Variants in POP1 observed in about 807,000 individuals in gnomAD.
POP1 encodes the protein POP1 ribonuclease P/MRP subunit.
In POP1, 75 loss-of-function variants were observed where a neutral mutation model predicts 102.2. The ratio of observed to expected loss-of-function variants is 0.73; its 90% CI spans 0.61 to 0.89. The LOEUF is 0.89. POP1 is among the 40% of genes least tolerant of loss of function. POP1 has a pLI of 0.00. For missense variants in POP1, 1,116 were observed against 1,267.4 expected (o/e 0.88, Z 1.81); for synonymous variants, 436 against 464.1 (o/e 0.94, Z 0.78).
rs370103239 is a variant in POP1, at chr8:98,136,597, C to T, written c.1127C>T (p.Pro376Leu). 6.2e-7 allele frequency: 1 copy of T among 1,614,004 alleles called. No individual in the cohort carries two copies. The highest frequency in any genetic ancestry group is 1.3e-5 in the African/African-American group (1 of 74,966). Residue 376 changes from proline to leucine, a missense_variant, in exon 8 of 16, where the codon CCT (proline) becomes CTT (leucine). Physicochemically the swap from Pro to Leu is moderately conservative, Grantham distance 98. Transcript: ENST00000401707. ...PSQEKSQTEL[P>L]DEKIGKKRKR... ...CAAGAAAAAAGCCAAACTGAATTGC[C>T]TGACGAGAAAATTGGCAAGAAAAGA...
intron 14 of POP1, 122 bp from the exon 15 acceptor site, chr8:98,155,927 GT>G (rs1809635851): frequency 4.3e-6 from 3 of 691,676 alleles, no homozygotes; most frequent in African/African-American, 2.0e-5. Context: ...GTGTGTGTGT[GT>G]GTGTGTGTGT....
At position 98,156,159 on chromosome 8, in the gene POP1, G is replaced by A. The variant is rs980507386; in HGVS notation, c.2167G>A (p.Glu723Lys). Reference protein sequence around the residue: ...QDWESRVQAYEEPSVASSPNG... With the variant: ...QDWESRVQAYKEPSVASSPNG... ...CTGGGAGTCAAGAGTCCAGGCTTAC[G>A]AAGAACCTTCTGTAGCTTCATCTCC... The change falls in exon 15 of 16, where the codon GAA (glutamate) becomes AAA (lysine). Residue 723 changes from glutamate (E) to lysine (K), a missense_variant. By Grantham distance (56) the Glu-to-Lys change is moderately conservative (BLOSUM62 1). Coordinates refer to ENST00000401707, the MANE Select transcript of POP1 (RefSeq NM_001145860.2). 3.7e-6 allele frequency: 6 copies of A among 1,613,964 alleles called. No individual in the cohort carries two copies. The highest frequency in any genetic ancestry group is 2.2e-5 in the East Asian group (1 of 44,884).
In POP1 at chr8:98,158,333, A is replaced by T; in HGVS notation, c.*62A>T. The T allele has an allele frequency of 6.4e-7, 1 of 1,561,736 alleles. No individual in the cohort carries two copies. The highest frequency in any genetic ancestry group is 1.7e-5 in the Admixed American group (1 of 59,610). On this transcript the variant is annotated 3_prime_UTR_variant, in exon 16 of 16. Coordinates refer to ENST00000401707, the MANE Select transcript of POP1 (RefSeq NM_001145860.2). ...GTTATTATTGTCTGCCAAGTTCTACATGTGGAGAATCTGCTTCTGCTTTAA... is the reference window on the plus strand; with the variant it reads ...GTTATTATTGTCTGCCAAGTTCTACTTGTGGAGAATCTGCTTCTGCTTTAA...
intron 2 of POP1, 72 bp from the exon 3 acceptor site, chr8:98,127,523 A>C (rs1487844457): frequency 1.1e-5 from 18 of 1,578,916 alleles, no homozygotes; most frequent in Admixed American, 1.7e-5. Context: ...TTGCCACCCA[A>C]CAAATATTAG....
chr8:98,118,062 G>A (rs1240654085), intron 1 of POP1, among the ~76,000 whole-genome samples: 2 of 151,970 alleles, frequency 1.3e-5, no homozygotes, highest in African/African-American at 4.8e-5. Flanking sequence ...TAAAATCTCT[G>A]CCTTCCCTGC....
chr8:98,123,979 C>A (rs1816116118), intron 2 of POP1, among the ~76,000 whole-genome samples: 1 of 152,082 alleles, frequency 6.6e-6, no homozygotes, highest in Non-Finnish European at 1.5e-5. Context: ...ATATTAATAC[C>A]CATGAAGCTT....
rs537643293 is a variant in POP1 at position 98,157,213 on chromosome 8, C to T, written c.2421-404C>T. On this transcript the variant is annotated intron_variant, in intron 15 of 15. Coordinates refer to ENST00000401707, the MANE Select transcript of POP1 (RefSeq NM_001145860.2). The stretch of plus-strand genomic sequence containing the variant: ...TTTTAAAAAGTGCTTATCCCTCTAG[C>T]CTTGTGCTTACTTTTCCGTATAGTA... Among the ~76,000 whole-genome samples, 3 of 152,272 alleles carry T rather than the reference C, an allele frequency of 2.0e-5. No homozygotes were observed. The South Asian group carries it at 6.2e-4, about 32-fold the overall frequency.
chr8:98,147,604 T>C (rs992494000), intron 12 of POP1, among the ~76,000 whole-genome samples: 1 of 152,050 alleles, frequency 6.6e-6, no homozygotes, highest in Non-Finnish European at 1.5e-5. Context: ...GTGAGGAAGC[T>C]GGAGAGAGAC....
rs545840348 is a variant in POP1 at position 98,124,955 on chromosome 8, T to C, written c.142+1476T>C. On this transcript the variant is annotated intron_variant, in intron 2 of 15. Coordinates refer to ENST00000401707, the MANE Select transcript of POP1 (RefSeq NM_001145860.2). ...GTTTGGAGTGCTTTAAAAAACTGCATTGGGTCTGATTAAGTAAATTTTAGA... is the reference window on the plus strand; with the variant it reads ...GTTTGGAGTGCTTTAAAAAACTGCACTGGGTCTGATTAAGTAAATTTTAGA... 9.7e-4 allele frequency among the ~76,000 whole-genome samples: 148 copies of C among 152,308 alleles called. 3 individuals are homozygous for C. The South Asian group carries it at 0.029, about 30-fold the overall frequency.
Position 98,158,164 on chromosome 8 carries a change from T to A in POP1, c.2968T>A (p.Leu990Met). 1.2e-6 allele frequency: 2 copies of A among 1,610,708 alleles called. No homozygotes were observed. The change falls in exon 16 of 16, where the codon TTG (leucine) becomes ATG (methionine). Residue 990 changes from leucine to methionine, a missense_variant. Leu to Met is a conservative substitution (Grantham distance 15, BLOSUM62 2). Transcript: ENST00000401707. The part of the protein sequence containing the change: ...EALGFVSLTG[L>M]LDMLSSQPAA... ...CCTGGGGTTTGTTAGCTTGACAGGC[T>A]TGCTGGATATGCTGTCCAGCCAGCC... is the stretch of plus-strand genomic sequence containing the variant.
At chr8:98,134,394 A>G (rs1816470280) in intron 6 of POP1, 78 bp from the exon 7 acceptor site, 1 of 1,438,444 alleles carries the variant, frequency 7.0e-7, no homozygotes, top group South Asian at 1.1e-5. Flanking sequence ...CAGACAGTAA[A>G]TGACAGTGTG....
intron 1 of POP1, among the ~76,000 whole-genome samples, chr8:98,118,049 T>C (rs950187815): frequency 6.6e-6 from 1 of 151,844 alleles, no homozygotes; most frequent in Non-Finnish European, 1.5e-5. Context: ...AAAAAAATAA[T>C]AATAAAATCT....
In POP1 at chr8:98,158,162, G is replaced by C. The variant is rs777450157; in HGVS notation, c.2966G>C (p.Gly989Ala). 13 of 1,610,268 alleles carry C rather than the reference G, an allele frequency of 8.1e-6. No individual in the cohort carries two copies. The African/African-American group carries it at 1.5e-4, about 18-fold the overall frequency. The change falls in exon 16 of 16, where the codon GGC becomes GCC. Residue 989 changes from glycine (G) to alanine (A), a missense_variant. Transcript: ENST00000401707. Reference protein sequence around the residue: ...GEALGFVSLTGLLDMLSSQPA... With the variant: ...GEALGFVSLTALLDMLSSQPA... Reference sequence around the variant, plus strand: ...GCCCTGGGGTTTGTTAGCTTGACAGGCTTGCTGGATATGCTGTCCAGCCAG... The same window carrying C: ...GCCCTGGGGTTTGTTAGCTTGACAGCCTTGCTGGATATGCTGTCCAGCCAG...
intron 1 of POP1, among the ~76,000 whole-genome samples, chr8:98,118,853 T>G (rs113651016): frequency 6.7e-6 from 1 of 149,784 alleles, no homozygotes; most frequent in East Asian, 1.9e-4. Flanking sequence ...AGGGAAGGGG[T>G]GGAAAAAAAA....
At chr8:98,129,248 C>T (rs1356139435) in intron 4 of POP1, among the ~76,000 whole-genome samples, 1 of 152,128 alleles carries the variant, frequency 6.6e-6, no homozygotes, top group East Asian at 1.9e-4. Context: ...CTGACTTTTT[C>T]GAAGTTGAAA....
At chr8:98,122,030 T>C (rs952517454) in intron 1 of POP1, among the ~76,000 whole-genome samples, 1 of 151,966 alleles carries the variant, frequency 6.6e-6, no homozygotes, top group African/African-American at 2.4e-5. Flanking sequence ...GGTTTCGCCA[T>C]GGTGGCCAGG....
At chr8:98,152,731 C>T (rs982930210) in intron 14 of POP1, among the ~76,000 whole-genome samples, 5 of 152,224 alleles carry the variant, frequency 3.3e-5, no homozygotes, top group Admixed American at 6.5e-5. Flanking sequence ...TTTGAATGCT[C>T]ACATGCAATT....
intron 14 of POP1, among the ~76,000 whole-genome samples, chr8:98,151,001 A>G (rs949911026): frequency 6.6e-6 from 1 of 152,248 alleles, no homozygotes; most frequent in Non-Finnish European, 1.5e-5. Flanking sequence ...GAAGTAATAT[A>G]TAGTTATCAA....
chr8:98,149,394 C>T (rs1219269520), intron 13 of POP1, among the ~76,000 whole-genome samples: 3 of 152,124 alleles, frequency 2.0e-5, no homozygotes, highest in Non-Finnish European at 4.4e-5. Flanking sequence ...CCATATACTC[C>T]TATTTATCAA....
Sources: allele counts gnomAD v4.1 joint callset (sites outside exome capture counted in the v4.1 genomes callset), GRCh38; gene constraint gnomAD v4.1.1; transcripts MANE v1.5; gene names NCBI Gene and HGNC (gene_info 2026-07-23, HGNC 2026-07-21).